PAX7: variants seen among roughly 807,000 people sequenced by gnomAD.
PAX7 encodes the protein paired box 7, also known as paired box protein Pax-7.
In PAX7, 18 loss-of-function variants were observed where a neutral mutation model predicts 50.7. That is an observed-to-expected ratio of 0.36 (90% CI 0.25 to 0.53). The LOEUF is 0.53. Among genes scored for constraint, PAX7 ranks in the 20% least tolerant of loss-of-function variants. The pLI is 0.93. For missense variants in PAX7, 644 were observed against 702.9 expected, an observed-to-expected ratio of 0.92 and a Z score of 0.95; for synonymous variants, 310 against 290.4, an observed-to-expected ratio of 1.07 and a Z score of -0.69.
chr1:18,710,871 C>T (rs776028294), intron 7 of PAX7, among the ~76,000 whole-genome samples: 1 of 152,184 alleles, frequency 6.6e-6, no homozygotes, highest in African/African-American at 2.4e-5. Flanking sequence ...AAAGGAGACC[C>T]TTCTCTCGCA....
intron 7 of PAX7, among the ~76,000 whole-genome samples, chr1:18,716,286 G>A (rs917683383): frequency 2.3e-4 from 35 of 152,144 alleles, no homozygotes; most frequent in East Asian, 1.9e-4. Flanking sequence ...TGCGCACCTC[G>A]GCCTTGTCAC....
At chr1:18,740,238 C>T (rs1931054924) in intron 8 of PAX7, among the ~76,000 whole-genome samples, 1 of 152,214 alleles carries the variant, frequency 6.6e-6, no homozygotes, top group African/African-American at 2.4e-5. Flanking sequence ...GGCTGTGCAG[C>T]CTGTTGGGTG....
chr1:18,709,416 A>G (rs984017107), intron 7 of PAX7, among the ~76,000 whole-genome samples: 4 of 152,222 alleles, frequency 2.6e-5, no homozygotes, highest in Admixed American at 2.6e-4. Context: ...CTAATGAAGA[A>G]TATTCTCTAA....
chr1:18,709,250 C>G (rs926679220), intron 7 of PAX7, among the ~76,000 whole-genome samples: 12 of 152,256 alleles, frequency 7.9e-5, no homozygotes, highest in Admixed American at 6.5e-4. Context: ...GGGCTCCTGC[C>G]ACGACCTCGT....
intron 7 of PAX7, among the ~76,000 whole-genome samples, chr1:18,720,071 C>T (rs987832386): frequency 3.3e-5 from 5 of 152,208 alleles, no homozygotes; most frequent in African/African-American, 1.2e-4. Flanking sequence ...TAAATTCTCT[C>T]CTCCAAGCTG....
At chr1:18,705,062 C>T (rs2089266681) in intron 7 of PAX7, among the ~76,000 whole-genome samples, 1 of 152,192 alleles carries the variant, frequency 6.6e-6, no homozygotes, top group Non-Finnish European at 1.5e-5. Flanking sequence ...TCAGGGTCCG[C>T]AGTATGAAGG....
chr1:18,692,091 G>A, intron 5 of PAX7, 138 bp downstream of exon 5: 1 of 707,212 alleles, frequency 1.4e-6, no homozygotes, highest in Non-Finnish European at 2.3e-6. Context: ...GGCAAGTAAT[G>A]CCACCAGCAT....
chr1:18,658,207 C>G (rs1383352479), intron 4 of PAX7, among the ~76,000 whole-genome samples: 2 of 152,088 alleles, frequency 1.3e-5, no homozygotes, highest in Non-Finnish European at 2.9e-5. Context: ...CACCCTTCTC[C>G]TCCTCTTCCC....
intron 8 of PAX7, among the ~76,000 whole-genome samples, chr1:18,741,381 C>T (rs1380610616): frequency 1.3e-5 from 2 of 151,230 alleles, no homozygotes; most frequent in East Asian, 1.9e-4. Flanking sequence ...ACTCGGGAGG[C>T]GGAGGCTGCA....
At chr1:18,664,080 G>C (rs373269973) in intron 4 of PAX7, among the ~76,000 whole-genome samples, 1 of 152,186 alleles carries the variant, frequency 6.6e-6, no homozygotes, top group Non-Finnish European at 1.5e-5. Context: ...CTCCCAGATC[G>C]TTGTACCAAG....
chr1:18,730,710 C>T (rs2089635168), intron 7 of PAX7, among the ~76,000 whole-genome samples: 1 of 152,128 alleles, frequency 6.6e-6, no homozygotes, highest in African/African-American at 2.4e-5. Flanking sequence ...TTCCCATCCC[C>T]TTCTTTTAAA....
At position 18,631,168 on chromosome 1, in the gene PAX7, C is replaced by CAGAGCGCG; in HGVS notation, c.-427_-420dup. On this transcript the variant is annotated 5_prime_UTR_variant, in exon 1 of 9. Coordinates refer to ENST00000420770, the MANE Select transcript of PAX7 (RefSeq NM_001135254.2). ...ACTTTGGCCCCGAGCGCCAGAGCGC[C>CAGAGCGCG]AGAGCGCGAGAGCGCGGCGCTCGCC... 1 of 237,030 alleles carries CAGAGCGCG rather than the reference C, an allele frequency of 4.2e-6. No homozygotes were observed. Among genetic ancestry groups the CAGAGCGCG allele is most frequent in the Non-Finnish European group, 8.3e-6 (1 of 120,814 alleles). 14.7% of individuals were successfully genotyped at this position (237,030 alleles called of 1,614,324 possible). A position where few individuals can be genotyped will look rare whatever the true frequency, so the allele number is the denominator to read the frequency against.
At chr1:18,644,228 C>A (rs539877477) in intron 4 of PAX7, among the ~76,000 whole-genome samples, 1 of 152,324 alleles carries the variant, frequency 6.6e-6, no homozygotes, top group East Asian at 1.9e-4. Context: ...CTCCTCCGAC[C>A]GCCTTGCTCT....
intron 4 of PAX7, among the ~76,000 whole-genome samples, chr1:18,686,908 T>TTTTTA (rs55789008): frequency 6.6e-6 from 1 of 150,912 alleles, no homozygotes; most frequent in African/African-American, 2.4e-5. Flanking sequence ...TATTATTTTT[T>TTTTTA]GAGACAGAGT....
rs565529982 is a variant in PAX7 at position 18,632,071 on chromosome 1, C to T, written c.85+383C>T. ...TGGCTCGCTGGCTGCCAGCTTTCTA[C>T]TCTTGTTTTGAATTATTTTTTCCAC... is the stretch of plus-strand genomic sequence containing the variant. On this transcript the variant is annotated intron_variant, in intron 1 of 8. Coordinates refer to ENST00000420770, the MANE Select transcript of PAX7 (RefSeq NM_001135254.2). The surrounding 1 kb of genome is among the most constrained non-coding windows in gnomAD (Gnocchi z 6.3). Among the ~76,000 whole-genome samples, 3 of 152,104 alleles carry T rather than the reference C, an allele frequency of 2.0e-5. No homozygotes were observed. Among genetic ancestry groups the T allele is most frequent in the Non-Finnish European group, 2.9e-5 (2 of 68,024 alleles).
At position 18,726,378 on chromosome 1, in the gene PAX7, T is replaced by C. The variant is rs72650349; in HGVS notation, c.1156-9254T>C. Among the ~76,000 whole-genome samples, 991 of 152,334 alleles carry C rather than the reference T, an allele frequency of 6.5e-3. 8 individuals carry two copies. The highest frequency in any genetic ancestry group is 0.027 in the Middle Eastern group (8 of 294). ...TTCCTCCAACCAACTCTGTGCTAGA[T>C]CCTGTGCTCAGGATAAAAAGATAAA... On this transcript the variant is annotated intron_variant, in intron 7 of 8. Transcript: ENST00000420770. This position sits in a 1 kb window ranked among gnomAD's most constrained non-coding sequence, Gnocchi z 4.8.
intron 7 of PAX7, among the ~76,000 whole-genome samples, chr1:18,714,677 C>G (rs2089396338): frequency 6.6e-6 from 1 of 152,218 alleles, no homozygotes; most frequent in Non-Finnish European, 1.5e-5. Flanking sequence ...GAGAGCCTTC[C>G]TATTCAGAAT....
intron 5 of PAX7, among the ~76,000 whole-genome samples, chr1:18,696,158 C>T (rs183057233): frequency 7.2e-5 from 11 of 151,772 alleles, no homozygotes; most frequent in Non-Finnish European, 1.3e-4. Flanking sequence ...CTCCGCCTCC[C>T]GGTTTCAAAC....
chr1:18,642,488 G>C (rs547200643), intron 4 of PAX7, among the ~76,000 whole-genome samples: 1 of 152,250 alleles, frequency 6.6e-6, no homozygotes, highest in African/African-American at 2.4e-5. Flanking sequence ...AAGGGGGGAG[G>C]ACACATTCCA....
Sources: allele counts gnomAD v4.1 joint callset (sites outside exome capture counted in the v4.1 genomes callset), GRCh38; gene constraint gnomAD v4.1.1; non-coding constraint Gnocchi (gnomAD v3.1); transcripts MANE v1.5; gene names NCBI Gene and HGNC (gene_info 2026-07-23, HGNC 2026-07-21).